SNX29: variants seen among roughly 807,000 people sequenced by gnomAD.
The protein encoded by SNX29 is sorting nexin-29.
SNX29 carries 78 observed loss-of-function variants against 102.1 expected under a neutral mutation model. The ratio of observed to expected loss-of-function variants is 0.76; its 90% CI spans 0.64 to 0.92. The LOEUF (loss-of-function observed/expected upper bound fraction) is 0.92. Ranked by LOEUF, SNX29 falls within the 40% of genes least tolerant of loss-of-function variation. SNX29 has a pLI of 0.00. For synonymous variants in SNX29, 580 were observed against 414.5 expected (o/e 1.40, Z -4.85); for missense variants, 1,280 against 1,061.7 (o/e 1.21, Z -2.86).
At position 12,568,062 on chromosome 16, in the gene SNX29, G is replaced by A. The variant is rs147156017; in HGVS notation, c.2319-444G>A. 6.0e-3 allele frequency among the ~76,000 whole-genome samples: 914 copies of A among 152,228 alleles called. 5 individuals carry two copies. The highest frequency in any genetic ancestry group is 0.02 in the African/African-American group (836 of 41,534). On this transcript the variant is annotated intron_variant, in intron 20 of 20. Coordinates refer to ENST00000566228, the MANE Select transcript of SNX29 (RefSeq NM_032167.5). Reference sequence around the variant, plus strand: ...GCCTAGGGCCTGATTATTTTCTTAGGATTAATTCCACAGGAAGTCCGTCTC... The same window carrying A: ...GCCTAGGGCCTGATTATTTTCTTAGAATTAATTCCACAGGAAGTCCGTCTC...
intron 19 of SNX29, among the ~76,000 whole-genome samples, chr16:12,520,250 C>T (rs1053099966): frequency 6.6e-6 from 1 of 152,216 alleles, no homozygotes; most frequent in Admixed American, 6.5e-5. Context: ...GTCAGGCTTC[C>T]TCCTCTTCAC....
In SNX29 at chr16:12,524,853, T is replaced by C. The variant is rs1597734278; in HGVS notation, c.2318+12T>C. ...ATGCCCTTCTTCGTGTAAGTACTGC[T>C]CCCACGGACATGGGCCGCCAGCCCT... On this transcript the variant is annotated intron_variant, in intron 20 of 20. Transcript: ENST00000566228. 6.2e-7 allele frequency: 1 copy of C among 1,608,116 alleles called. No homozygotes were observed. Among genetic ancestry groups the C allele is most frequent in the Non-Finnish European group, 8.5e-7 (1 of 1,176,514 alleles).
At chr16:12,278,772 C>T (rs1292674836) in intron 15 of SNX29, among the ~76,000 whole-genome samples, 1 of 152,178 alleles carries the variant, frequency 6.6e-6, no homozygotes, top group Non-Finnish European at 1.5e-5. Context: ...AGTCATTACT[C>T]AAATTCAGTC....
chr16:12,167,179 T>C (rs1704095), intron 13 of SNX29, among the ~76,000 whole-genome samples: 86 of 152,368 alleles, frequency 5.6e-4, no homozygotes, highest in African/African-American at 2.0e-3. Context: ...TCTTCCCATT[T>C]GGAAACTGTT....
At chr16:12,356,990 G>A (rs2082153961) in intron 16 of SNX29, among the ~76,000 whole-genome samples, 1 of 152,242 alleles carries the variant, frequency 6.6e-6, no homozygotes, top group African/African-American at 2.4e-5. Flanking sequence ...GTAGTTCTCT[G>A]TTGAATGAAA....
At chr16:12,401,076 C>G (rs566737992) in intron 17 of SNX29, among the ~76,000 whole-genome samples, 11 of 152,098 alleles carry the variant, frequency 7.2e-5, no homozygotes, top group Admixed American at 7.2e-4. Context: ...CGTGATCCGC[C>G]TACCTCGGCC....
intron 13 of SNX29, among the ~76,000 whole-genome samples, chr16:12,150,430 A>G (rs1182796460): frequency 6.6e-6 from 1 of 152,192 alleles, no homozygotes; most frequent in Non-Finnish European, 1.5e-5. Context: ...TGAATGAATT[A>G]TTTGCCTAGC....
At position 12,044,546 on chromosome 16, in the gene SNX29, C is replaced by G. The variant is rs532004075; in HGVS notation, c.428+1469C>G. Among the ~76,000 whole-genome samples the G allele has an allele frequency of 3.3e-5, 5 of 152,254 alleles. No homozygotes were observed. The South Asian group carries it at 1.0e-3, about 32-fold the overall frequency. ...AATGTCTGGATCTCTAGGGCATTAA[C>G]CAGCTTTAGTTAAGGAAAACACACT... On this transcript the variant is annotated intron_variant, in intron 5 of 20. Transcript: ENST00000566228.
At chr16:12,452,750 A>G (rs555898565) in intron 18 of SNX29, among the ~76,000 whole-genome samples, 157 of 152,108 alleles carry the variant, frequency 1.0e-3, no homozygotes, top group African/African-American at 3.6e-3. Context: ...GTGTGAGGAG[A>G]GGAGCCGGGT....
At chr16:12,546,477 AG>A (rs1346043306) in intron 20 of SNX29, 1 of 152,216 alleles carries the variant, frequency 6.6e-6, no homozygotes, top group African/African-American at 2.4e-5. Flanking sequence ...ATTCACTGTC[AG>A]AAGAACAGCA....
chr16:12,084,233 C>T (rs1236769507), intron 11 of SNX29, among the ~76,000 whole-genome samples: 1 of 151,758 alleles, frequency 6.6e-6, no homozygotes, highest in Non-Finnish European at 1.5e-5. Flanking sequence ...GAAACCTCCG[C>T]CTCCCGGATT....
intron 18 of SNX29, among the ~76,000 whole-genome samples, 192 bp from the exon 19 acceptor site, chr16:12,477,527 A>T (rs1207656600): frequency 6.6e-6 from 1 of 152,182 alleles, no homozygotes; most frequent in Non-Finnish European, 1.5e-5. Context: ...TGATTTAGTC[A>T]TTCTTGCCTG....
chr16:12,323,318 G>A (rs1013101614), intron 15 of SNX29, among the ~76,000 whole-genome samples: 5 of 152,092 alleles, frequency 3.3e-5, no homozygotes, highest in Admixed American at 6.5e-5. Context: ...TTCTCCAGTC[G>A]TGAGTTGTGC....
At chr16:12,546,557 A>T (rs1400677574) in intron 20 of SNX29, 1 of 152,228 alleles carries the variant, frequency 6.6e-6, no homozygotes, top group Non-Finnish European at 1.5e-5. Flanking sequence ...TGGGAATTCA[A>T]GATGACACAT....
chr16:12,400,254 C>T (rs573958207), intron 17 of SNX29, among the ~76,000 whole-genome samples: 4 of 152,344 alleles, frequency 2.6e-5, no homozygotes, highest in Admixed American at 2.6e-4. Context: ...CTTTCCCACT[C>T]CTCTCCCTGC....
intron 11 of SNX29, among the ~76,000 whole-genome samples, chr16:12,112,488 T>C (rs950113800): frequency 6.6e-6 from 1 of 152,318 alleles, no homozygotes; most frequent in East Asian, 1.9e-4. Context: ...TCAGGCAATG[T>C]ACTAGGCTGC....
chr16:12,563,220 C>T (rs921028440), intron 20 of SNX29, among the ~76,000 whole-genome samples: 2 of 151,944 alleles, frequency 1.3e-5, no homozygotes, highest in African/African-American at 4.8e-5. Flanking sequence ...AGGCTCATAC[C>T]CTGAAAGTGG....
At chr16:12,397,192 C>G (rs1169348912) in intron 16 of SNX29, among the ~76,000 whole-genome samples, 1 of 152,272 alleles carries the variant, frequency 6.6e-6, no homozygotes, top group South Asian at 2.1e-4. Flanking sequence ...TTCACCCAGT[C>G]TCCACTGTTG....
Position 12,295,849 on chromosome 16 carries a change from T to A in SNX29, c.1782+17813T>A, listed in dbSNP as rs148451426. Among the ~76,000 whole-genome samples the A allele has an allele frequency of 3.9e-3, 594 of 152,274 alleles. 8 individuals are homozygous for A. In the East Asian group the frequency reaches 0.04, roughly 10 times the overall value. ...AGGTAGAGAAGGGAGATGAGTCTTA[T>A]AAAAACTTGAAAACTGTCTTTTGAC... On this transcript the variant is annotated intron_variant, in intron 15 of 20. Transcript: ENST00000566228.
Sources: allele counts gnomAD v4.1 joint callset (sites outside exome capture counted in the v4.1 genomes callset), GRCh38; gene constraint gnomAD v4.1.1; transcripts MANE v1.5; gene names NCBI Gene and HGNC (gene_info 2026-07-23, HGNC 2026-07-21).